Variants in VSTM4 observed in about 807,000 individuals in gnomAD.
The protein encoded by VSTM4 is V-set and transmembrane domain-containing protein 4.
Under a neutral mutation model 36.4 loss-of-function variants are expected in VSTM4, and 20 were observed. The ratio of observed to expected loss-of-function variants is 0.55; its 90% CI spans 0.39 to 0.80. VSTM4 has a LOEUF of 0.80. Among genes scored for constraint, VSTM4 ranks in the 30% least tolerant of loss-of-function variants. The pLI, the probability that VSTM4 is intolerant of heterozygous loss-of-function variation, is 0.00. For missense variants in VSTM4, 392 were observed against 404.5 expected, an observed-to-expected ratio of 0.97 and a Z score of 0.26; for synonymous variants, 182 against 173.9, an observed-to-expected ratio of 1.05 and a Z score of -0.37.
chr10:49,033,086 TTATATGTGAAAG>T (rs1843372219), intron 7 of VSTM4, among the ~76,000 whole-genome samples: 1 of 152,058 alleles, frequency 6.6e-6, no homozygotes, highest in Non-Finnish European at 1.5e-5. Context: ...TCACATAAAG[TTATATGTGAAAG>T]GATGTTTACC....
intron 2 of VSTM4, among the ~76,000 whole-genome samples, chr10:49,087,908 T>G (rs1289571982): frequency 5.4e-5 from 8 of 147,412 alleles, no homozygotes; most frequent in Non-Finnish European, 1.2e-4. Flanking sequence ...ATATGTTATA[T>G]ATGTATATAT....
intron 6 of VSTM4, among the ~76,000 whole-genome samples, chr10:49,047,834 C>T (rs181103277): frequency 2.6e-5 from 4 of 152,358 alleles, no homozygotes; most frequent in Admixed American, 2.6e-4. Flanking sequence ...TTCATTTGGG[C>T]AACCCTTGTA....
chr10:49,099,447 T>C (rs1590130675), intron 2 of VSTM4, among the ~76,000 whole-genome samples: 3 of 152,356 alleles, frequency 2.0e-5, no homozygotes, highest in South Asian at 2.1e-4. Flanking sequence ...GTTAAGAACA[T>C]TTCCCAATTT....
intron 2 of VSTM4, among the ~76,000 whole-genome samples, chr10:49,088,709 C>T (rs2132004466): frequency 6.6e-6 from 1 of 152,372 alleles, no homozygotes; most frequent in East Asian, 1.9e-4. Flanking sequence ...GCTTTGCACC[C>T]TTAGACTGTG....
At chr10:49,114,772 A>G (rs1235137428) in intron 1 of VSTM4, among the ~76,000 whole-genome samples, 1 of 150,824 alleles carries the variant, frequency 6.6e-6, no homozygotes, top group Admixed American at 6.6e-5. Flanking sequence ...GTTCTGGGGA[A>G]TAAAGAGGGA....
intron 2 of VSTM4, among the ~76,000 whole-genome samples, chr10:49,100,403 A>C (rs1050596322): frequency 1.3e-5 from 2 of 152,246 alleles, no homozygotes; most frequent in Non-Finnish European, 2.9e-5. Flanking sequence ...ATGTTGCCAA[A>C]TATAACTCAA....
intron 5 of VSTM4, among the ~76,000 whole-genome samples, chr10:49,048,915 A>T (rs2131960884): frequency 6.6e-6 from 1 of 152,318 alleles, no homozygotes; most frequent in East Asian, 1.9e-4. Context: ...TTGATGGTTG[A>T]CACCTGGTTT....
At chr10:49,113,135 C>A (rs1214978504) in intron 1 of VSTM4, among the ~76,000 whole-genome samples, 1 of 152,172 alleles carries the variant, frequency 6.6e-6, no homozygotes, top group Non-Finnish European at 1.5e-5. Flanking sequence ...TTCAGGGAGA[C>A]CAGAGCCTCT....
intron 7 of VSTM4, among the ~76,000 whole-genome samples, chr10:49,030,377 C>T (rs563242937): frequency 6.4e-4 from 97 of 152,272 alleles, no homozygotes; most frequent in Non-Finnish European, 1.1e-3. Flanking sequence ...TCCAGAGACA[C>T]ATGGGGCCTA....
chr10:49,083,640 T>C (rs1844318765), intron 3 of VSTM4, among the ~76,000 whole-genome samples: 1 of 152,220 alleles, frequency 6.6e-6, no homozygotes, highest in African/African-American at 2.4e-5. Context: ...AGAGAGCACA[T>C]ACTGGGCTAC....
intron 4 of VSTM4, among the ~76,000 whole-genome samples, chr10:49,075,523 T>A (rs576383410): frequency 2.0e-5 from 3 of 152,252 alleles, no homozygotes; most frequent in African/African-American, 7.2e-5. Flanking sequence ...AAGGCACAAG[T>A]GCAATGTGCC....
intron 7 of VSTM4, among the ~76,000 whole-genome samples, chr10:49,036,978 CAAGT>C (rs1412696840): frequency 6.6e-6 from 1 of 152,152 alleles, no homozygotes; most frequent in Non-Finnish European, 1.5e-5. Flanking sequence ...GAATCACAGG[CAAGT>C]AAGTCTTGGT....
intron 7 of VSTM4, among the ~76,000 whole-genome samples, chr10:49,024,442 C>G (rs1270653796): frequency 1.3e-5 from 2 of 152,176 alleles, no homozygotes; most frequent in East Asian, 1.9e-4. Context: ...ACTCTCAGAT[C>G]AATGAAAGTG....
At chr10:49,041,236 C>T (rs892690366) in intron 7 of VSTM4, among the ~76,000 whole-genome samples, 6 of 152,114 alleles carry the variant, frequency 3.9e-5, no homozygotes, top group Non-Finnish European at 7.3e-5. Flanking sequence ...CTGATAGAGG[C>T]CCTACTGAGG....
At chr10:49,057,264 T>C (rs1359777939) in intron 5 of VSTM4, among the ~76,000 whole-genome samples, 1 of 152,158 alleles carries the variant, frequency 6.6e-6, no homozygotes, top group African/African-American at 2.4e-5. Context: ...GGCTAGTCAT[T>C]GGTCTAATCA....
chr10:49,098,875 G>A (rs535230472), intron 2 of VSTM4, among the ~76,000 whole-genome samples: 21 of 152,330 alleles, frequency 1.4e-4, no homozygotes, highest in Non-Finnish European at 2.2e-4. Context: ...AGCCTGGCAC[G>A]CAGTAGGTGT....
chr10:49,077,175 G>A (rs547695961), intron 4 of VSTM4, 44 bp downstream of exon 4: 14 of 1,587,148 alleles, frequency 8.8e-6, no homozygotes, highest in African/African-American at 2.7e-5. Flanking sequence ...GTCTGTGGTC[G>A]GGGTGTGCTC....
chr10:49,063,530 G>A (rs1176127695), intron 5 of VSTM4, among the ~76,000 whole-genome samples: 5 of 152,180 alleles, frequency 3.3e-5, no homozygotes, highest in Non-Finnish European at 7.3e-5. Context: ...TTTGTAGGCA[G>A]TCACCCAGGT....
At chr10:49,096,737 T>G (rs961523492) in intron 2 of VSTM4, among the ~76,000 whole-genome samples, 2 of 150,864 alleles carry the variant, frequency 1.3e-5, no homozygotes, top group Admixed American at 1.3e-4. Flanking sequence ...TCACTGCAAC[T>G]TCTGCCTCCC....
Sources: gnomAD v4.1 joint callset for allele counts (sites outside exome capture counted in the v4.1 genomes callset) on GRCh38, gnomAD v4.1.1 for gene constraint, MANE v1.5 for transcripts, NCBI Gene and HGNC (gene_info 2026-07-23, HGNC 2026-07-21) for gene names.